The following CNTN1 variants were observed in gnomAD, a reference collection of about 807,000 sequenced individuals.
CNTN1 encodes contactin 1.
Under a neutral mutation model 126.4 loss-of-function variants are expected in CNTN1, and 38 were observed. That is an observed-to-expected ratio of 0.30 (90% CI 0.23 to 0.39). The LOEUF is 0.39. CNTN1 is among the 10% of genes least tolerant of loss of function. The pLI is 1.00. For missense variants in CNTN1, 1,009 were observed against 1,248.4 expected (o/e 0.81, Z 2.89); for synonymous variants, 413 against 422.6 (o/e 0.98, Z 0.28).
At chr12:40,771,291 C>A (rs184953285) in intron 1 of CNTN1, among the ~76,000 whole-genome samples, 2 of 152,148 alleles carry the variant, frequency 1.3e-5, no homozygotes, top group Admixed American at 1.3e-4. Context: ...AACTAAAATT[C>A]TTTTCTTCAT....
At chr12:40,984,935 A>C (rs1190218554) in intron 16 of CNTN1, among the ~76,000 whole-genome samples, 2 of 152,078 alleles carry the variant, frequency 1.3e-5, no homozygotes, top group African/African-American at 2.4e-5. Flanking sequence ...TAGAAGAAAA[A>C]ATAAGTATTT....
At chr12:40,872,761 C>T (rs147023465) in intron 1 of CNTN1, among the ~76,000 whole-genome samples, 1,562 of 151,714 alleles carry the variant, frequency 0.01, 10 homozygotes, top group Non-Finnish European at 0.017. Context: ...GGGGTTTCAC[C>T]ATATTGGTCA....
chr12:40,720,075 A>ACTC (rs1352612836), intron 1 of CNTN1, among the ~76,000 whole-genome samples: 2 of 141,880 alleles, frequency 1.4e-5, no homozygotes, highest in Admixed American at 7.0e-5. Flanking sequence ...CTGGTCTTGA[A>ACTC]CTCCTGACCT....
intron 1 of CNTN1, among the ~76,000 whole-genome samples, chr12:40,793,299 C>T (rs1242954167): frequency 6.6e-6 from 1 of 151,854 alleles, no homozygotes; most frequent in Non-Finnish European, 1.5e-5. Flanking sequence ...CTTTTGAGTC[C>T]CACACTTTAT....
chr12:40,707,245 T>C (rs28500540), intron 1 of CNTN1, among the ~76,000 whole-genome samples: 3,478 of 17,890 alleles, frequency 0.19, 333 homozygotes, highest in Middle Eastern at 0.33. Context: ...TTTTTTTTTT[T>C]TTTTTTTTTT....
intron 1 of CNTN1, among the ~76,000 whole-genome samples, chr12:40,898,961 AC>A (rs1944508493): frequency 6.6e-6 from 1 of 152,356 alleles, no homozygotes; most frequent in East Asian, 1.9e-4. Context: ...CTCAGAAAGC[AC>A]AGTGGCAGCA....
chr12:40,701,033 G>A (rs1401551391), intron 1 of CNTN1, among the ~76,000 whole-genome samples: 2 of 152,194 alleles, frequency 1.3e-5, no homozygotes, highest in African/African-American at 4.8e-5. Flanking sequence ...TGAAGTCCAA[G>A]TTTTTAATTG....
In CNTN1 at chr12:41,027,201, G is replaced by T. The variant is rs115764342; in HGVS notation, c.2711-656G>T. 8.5e-3 allele frequency among the ~76,000 whole-genome samples: 1,297 copies of T among 152,266 alleles called. 18 individuals carry two copies. Among genetic ancestry groups the T allele is most frequent in the African/African-American group, 0.026 (1,081 of 41,560 alleles). ...AGGCTGATATCTGCCTAGACAGAGA[G>T]ACCTATAGCCACATATGTCTAGAGG... On this transcript the variant is annotated intron_variant, in intron 21 of 23. Transcript: ENST00000551295.
At chr12:41,069,121 C>T (rs1029225115) in intron 23 of CNTN1, among the ~76,000 whole-genome samples, 13 of 152,200 alleles carry the variant, frequency 8.5e-5, no homozygotes, top group Non-Finnish European at 1.5e-4. Flanking sequence ...CGGCAGGACA[C>T]GGACCCATAA....
intron 1 of CNTN1, among the ~76,000 whole-genome samples, chr12:40,694,004 C>T (rs950653784): frequency 1.3e-5 from 2 of 152,196 alleles, no homozygotes; most frequent in African/African-American, 4.8e-5. Context: ...CCGCATTTTT[C>T]GGTTTCTAAG....
chr12:40,881,980 T>A (rs916429011), intron 1 of CNTN1, among the ~76,000 whole-genome samples: 1 of 151,456 alleles, frequency 6.6e-6, no homozygotes. Flanking sequence ...CTGTGAGTGA[T>A]CAGAGAACAG....
intron 1 of CNTN1, among the ~76,000 whole-genome samples, chr12:40,709,740 C>G (rs1051607658): frequency 2.0e-5 from 3 of 152,146 alleles, no homozygotes; most frequent in African/African-American, 7.2e-5. Flanking sequence ...TTCCTTAAAC[C>G]TCATGAACCA....
At chr12:41,032,015 A>G (rs765401887) in intron 23 of CNTN1, among the ~76,000 whole-genome samples, 13 of 152,218 alleles carry the variant, frequency 8.5e-5, no homozygotes, top group Non-Finnish European at 1.6e-4. Flanking sequence ...CTTAATGTTT[A>G]TAAGCATTAT....
Position 40,840,769 on chromosome 12 carries a change from G to A in CNTN1, c.-76-67588G>A, listed in dbSNP as rs76819048. Among the ~76,000 whole-genome samples the A allele has an allele frequency of 9.4e-4, 143 of 151,682 alleles. No homozygotes were observed. The East Asian group carries it at 0.022, about 23-fold the overall frequency. ...ATTAAGATGAAAATAAAAAGGTTTC[G>A]AAACAAATGAAAATAAAGACAGAGC... On this transcript the variant is annotated intron_variant, in intron 1 of 23. Transcript: ENST00000551295.
intron 3 of CNTN1, among the ~76,000 whole-genome samples, chr12:40,917,066 G>GGGGGGT (rs1945272745): frequency 9.9e-6 from 1 of 100,822 alleles, no homozygotes; most frequent in African/African-American, 3.5e-5. Flanking sequence ...GGGGGCGGGG[G>GGGGGGT]GGGGGGCAGA....
At chr12:40,957,086 A>C (rs778037751) in intron 14 of CNTN1, among the ~76,000 whole-genome samples, 15 of 152,034 alleles carry the variant, frequency 9.9e-5, no homozygotes, top group Admixed American at 2.6e-4. Context: ...GGAAAGCCAA[A>C]TGCTATCAAG....
At chr12:40,750,253 G>A (rs1228303222) in intron 1 of CNTN1, among the ~76,000 whole-genome samples, 1 of 152,094 alleles carries the variant, frequency 6.6e-6, no homozygotes, top group Non-Finnish European at 1.5e-5. Flanking sequence ...ATGATGATGA[G>A]TTCATCTACT....
chr12:40,700,734 CT>C (rs1466870878), intron 1 of CNTN1, among the ~76,000 whole-genome samples: 1 of 151,218 alleles, frequency 6.6e-6, no homozygotes, highest in African/African-American at 2.4e-5. Context: ...GCAATCTATC[CT>C]AGTTTGAAAA....
intron 1 of CNTN1, among the ~76,000 whole-genome samples, chr12:40,794,667 G>A (rs931487923): frequency 6.6e-6 from 1 of 151,972 alleles, no homozygotes; most frequent in Non-Finnish European, 1.5e-5. Context: ...AATGTACAGA[G>A]GTTTACAGCA....
Sources: allele counts gnomAD v4.1 joint callset (sites outside exome capture counted in the v4.1 genomes callset), GRCh38; gene constraint gnomAD v4.1.1; transcripts MANE v1.5; gene names NCBI Gene and HGNC (gene_info 2026-07-23, HGNC 2026-07-21).